ADAMTS3: variants seen among roughly 807,000 people sequenced by gnomAD.
ADAMTS3 encodes A disintegrin and metalloproteinase with thrombospondin motifs 3.
Under a neutral mutation model 129.0 loss-of-function variants are expected in ADAMTS3, and 73 were observed. The ratio of observed to expected loss-of-function variants is 0.57; its 90% CI spans 0.47 to 0.69. The LOEUF (loss-of-function observed/expected upper bound fraction) is 0.69, where lower values mean the gene tolerates loss of function less well. Ranked by LOEUF, ADAMTS3 falls within the 30% of genes least tolerant of loss-of-function variation. The probability of loss-of-function intolerance (pLI) is 0.00; values close to 1 mark genes in which losing one functional copy is unlikely to be tolerated. For synonymous variants in ADAMTS3, 477 were observed against 510.8 expected, an observed-to-expected ratio of 0.93 and a Z score of 0.89; for missense variants, 1,457 against 1,514.5, an observed-to-expected ratio of 0.96 and a Z score of 0.63.
chr4:72,429,861 CA>C (rs1311049761), intron 3 of ADAMTS3, among the ~76,000 whole-genome samples: 1 of 151,958 alleles, frequency 6.6e-6, no homozygotes, highest in Admixed American at 6.6e-5. Context: ...ATATCATGGT[CA>C]ACATCTCCTG....
chr4:72,380,278 C>A (rs985989284), intron 4 of ADAMTS3, among the ~76,000 whole-genome samples: 88 of 152,026 alleles, frequency 5.8e-4, no homozygotes, highest in African/African-American at 2.1e-3. Context: ...CAAGTAGAAG[C>A]CACTGAAGTA....
At chr4:72,548,908 T>C (rs1481956679) in intron 2 of ADAMTS3, 24 bp from the exon 3 acceptor site, 4 of 1,589,302 alleles carry the variant, frequency 2.5e-6, no homozygotes, top group Non-Finnish European at 3.4e-6. Flanking sequence ...AACAGAACTG[T>C]CAAACCCTGT....
intron 4 of ADAMTS3, among the ~76,000 whole-genome samples, chr4:72,391,093 A>G (rs539152435): frequency 5.3e-5 from 8 of 152,314 alleles, no homozygotes; most frequent in South Asian, 4.1e-4. Context: ...ATGTTTAGTT[A>G]CGGGTAACAT....
intron 3 of ADAMTS3, among the ~76,000 whole-genome samples, chr4:72,501,485 T>A (rs1481002785): frequency 1.3e-5 from 2 of 152,172 alleles, no homozygotes; most frequent in African/African-American, 4.8e-5. Context: ...GAAACTTCAT[T>A]GAAATCATTT....
At chr4:72,521,280 G>A (rs1720665922) in intron 3 of ADAMTS3, among the ~76,000 whole-genome samples, 1 of 152,150 alleles carries the variant, frequency 6.6e-6, no homozygotes. Flanking sequence ...TTACAGGCAT[G>A]AGCCACCGTG....
Position 72,365,615 on chromosome 4 carries a change from T to C in ADAMTS3, c.662-25922A>G, listed in dbSNP as rs112612599. 1.5e-3 allele frequency among the ~76,000 whole-genome samples: 234 copies of C among 152,328 alleles called. 2 individuals are homozygous for C. The highest frequency in any genetic ancestry group is 5.4e-3 in the African/African-American group (226 of 41,570). On this transcript the variant is annotated intron_variant, in intron 4 of 21. Coordinates refer to ENST00000286657, the MANE Select transcript of ADAMTS3 (RefSeq NM_014243.3). The stretch of plus-strand genomic sequence containing the variant: ...CATGAATATCATAAATTGGTATATT[T>C]ATAACATCAATTTTCTGATATATGA...
intron 3 of ADAMTS3, among the ~76,000 whole-genome samples, chr4:72,517,096 T>C (rs1720508610): frequency 6.6e-6 from 1 of 152,114 alleles, no homozygotes; most frequent in Admixed American, 6.5e-5. Context: ...GAGATAATCA[T>C]GTGGTTTTTG....
chr4:72,416,669 C>T lies in ADAMTS3; in HGVS notation c.505-1698G>A, dbSNP rs1317653254. On this transcript the variant is annotated intron_variant, in intron 3 of 21. Transcript: ENST00000286657. ...ATTTTTCAAAAGTTATATAATTATT[C>T]CCTATTCAGAGTTGTTCCTATTGGT... 3.7e-4 allele frequency among the ~76,000 whole-genome samples: 56 copies of T among 152,114 alleles called. 2 individuals are homozygous for T.
chr4:72,472,397 T>G (rs1489070018), intron 3 of ADAMTS3, among the ~76,000 whole-genome samples: 1 of 152,176 alleles, frequency 6.6e-6, no homozygotes, highest in Non-Finnish European at 1.5e-5. Flanking sequence ...AGCAATTCAC[T>G]GTAGGTTTAT....
At chr4:72,568,356 C>T (rs1722074966) in intron 1 of ADAMTS3, among the ~76,000 whole-genome samples, 1 of 152,164 alleles carries the variant, frequency 6.6e-6, no homozygotes, top group African/African-American at 2.4e-5. Flanking sequence ...GCGCCCAGAC[C>T]GCCCTCCAGA....
chr4:72,489,498 G>T (rs1356187645), intron 3 of ADAMTS3, among the ~76,000 whole-genome samples: 3 of 151,900 alleles, frequency 2.0e-5, no homozygotes, highest in African/African-American at 7.2e-5. Flanking sequence ...CTACCCACTT[G>T]TTAATCATCA....
At chr4:72,485,180 C>T (rs987105330) in intron 3 of ADAMTS3, among the ~76,000 whole-genome samples, 7 of 152,080 alleles carry the variant, frequency 4.6e-5, no homozygotes, top group African/African-American at 9.7e-5. Context: ...GAACAAGATC[C>T]GTAGTTCAAA....
Position 72,555,094 on chromosome 4 carries a change from A to G in ADAMTS3, c.98-6210T>C, listed in dbSNP as rs371182745. Among the ~76,000 whole-genome samples, 22 of 151,968 alleles carry G rather than the reference A, an allele frequency of 1.4e-4. No homozygotes were observed. In the East Asian group the frequency reaches 2.9e-3, roughly 20 times the overall value. On this transcript the variant is annotated intron_variant, in intron 2 of 21. Transcript: ENST00000286657. ...TCACCATCACTTTAGGATAAAAGATATAGATTCACAAAATCTGTATCTTTT... is the reference window on the plus strand; with the variant it reads ...TCACCATCACTTTAGGATAAAAGATGTAGATTCACAAAATCTGTATCTTTT...
In ADAMTS3 at chr4:72,568,662, GTT is replaced by G. The variant is rs5859330; in HGVS notation, c.69+30_69+31del. ...CTTTTCGGGAAAAGGTTGGGTTTGA[GTT>G]TTTTTTTATTGTTATTATTTTCCAC... On this transcript the variant is annotated intron_variant, in intron 1 of 21. Coordinates refer to ENST00000286657, the MANE Select transcript of ADAMTS3 (RefSeq NM_014243.3). 9 of 1,561,948 alleles carry G rather than the reference GTT, an allele frequency of 5.8e-6. No individual in the cohort carries two copies. In the African/African-American group the frequency reaches 6.8e-5, roughly 12 times the overall value.
chr4:72,387,843 T>A (rs1721486735), intron 4 of ADAMTS3, among the ~76,000 whole-genome samples: 1 of 151,062 alleles, frequency 6.6e-6, no homozygotes, highest in Non-Finnish European at 1.5e-5. Context: ...TTATTGTTGT[T>A]CCCCCAGTAT....
At position 72,291,124 on chromosome 4, in the gene ADAMTS3, C is replaced by T; in HGVS notation, c.2724-62G>A. On this transcript the variant is annotated intron_variant, in intron 19 of 21. Transcript: ENST00000286657. ...GGTATGTATAGTGTACACATTTCTA[C>T]CTGCAAAGCCTAGACTTTTCTGCTC... is the stretch of plus-strand genomic sequence containing the variant. 3.2e-6 allele frequency: 5 copies of T among 1,554,312 alleles called. No individual in the cohort carries two copies. The South Asian group carries it at 5.9e-5, about 18-fold the overall frequency.
intron 5 of ADAMTS3, among the ~76,000 whole-genome samples, chr4:72,337,073 T>C (rs1028427072): frequency 4.6e-5 from 7 of 152,220 alleles, no homozygotes; most frequent in African/African-American, 1.7e-4. Flanking sequence ...TCCATGTCTA[T>C]CTTTCAGTTG....
chr4:72,302,587 A>AC (rs1578564029), intron 17 of ADAMTS3, among the ~76,000 whole-genome samples: 1 of 152,208 alleles, frequency 6.6e-6, no homozygotes, highest in East Asian at 1.9e-4. Context: ...AAAACAACTA[A>AC]CTAGAACACA....
At chr4:72,384,633 T>G (rs372229341) in intron 4 of ADAMTS3, among the ~76,000 whole-genome samples, 6 of 152,204 alleles carry the variant, frequency 3.9e-5, no homozygotes, top group South Asian at 2.1e-4. Flanking sequence ...ATAAAAATTA[T>G]GATGTAAAGC....
Sources: gnomAD v4.1 joint callset for allele counts (sites outside exome capture counted in the v4.1 genomes callset) on GRCh38, gnomAD v4.1.1 for gene constraint, MANE v1.5 for transcripts, NCBI Gene and HGNC (gene_info 2026-07-23, HGNC 2026-07-21) for gene names.